The following SUGCT variants were observed in gnomAD, a reference collection of about 807,000 sequenced individuals.
SUGCT encodes the protein succinyl-CoA:glutarate-CoA transferase, also known as succinyl-CoA:glutarate CoA-transferase.
Under a neutral mutation model 55.0 loss-of-function variants are expected in SUGCT, and 41 were observed. The observed-to-expected ratio is 0.74, with a 90% CI of 0.58 to 0.97. The LOEUF is 0.97. SUGCT is among the 50% of genes least tolerant of loss of function. SUGCT has a pLI of 0.00. For missense variants in SUGCT, 568 were observed against 547.8 expected, an observed-to-expected ratio of 1.04 and a Z score of -0.37; for synonymous variants, 187 against 200.4, an observed-to-expected ratio of 0.93 and a Z score of 0.56.
At chr7:40,264,489 A>T (rs944841401) in intron 7 of SUGCT, among the ~76,000 whole-genome samples, 6 of 152,164 alleles carry the variant, frequency 3.9e-5, no homozygotes, top group African/African-American at 1.2e-4. Flanking sequence ...ATAGTTGCAG[A>T]GTCTGTGCCC....
At chr7:40,329,970 C>G (rs1479546321) in intron 9 of SUGCT, among the ~76,000 whole-genome samples, 1 of 152,178 alleles carries the variant, frequency 6.6e-6, no homozygotes, top group East Asian at 1.9e-4. Context: ...GGCACTCCTG[C>G]CTACTGTCTT....
Position 40,189,601 on chromosome 7 carries a change from T to C in SUGCT, c.363+7T>C. 7.1e-7 allele frequency: 1 copy of C among 1,406,702 alleles called. No individual in the cohort carries two copies. The highest frequency in any genetic ancestry group is 2.7e-5 in the East Asian group (1 of 36,850). 87.1% of individuals were successfully genotyped at this position (1,406,702 alleles called of 1,614,324 possible). On this transcript the variant is annotated splice_region_variant and intron_variant, in intron 5 of 13. Transcript: ENST00000335693. ...GGTGAAAATCATCAAAGAGGTACAGTATGATGTATAGAAAGCATCCTACCA... is the reference window on the plus strand; with the variant it reads ...GGTGAAAATCATCAAAGAGGTACAGCATGATGTATAGAAAGCATCCTACCA...
At position 40,494,007 on chromosome 7, in the gene SUGCT, G is replaced by T. The variant is rs553338858; in HGVS notation, c.987-2277G>T. ...AACAGTGGTCACAACTGCAGCTCCC[G>T]CAGTCTCATTTCCAGAGTGCATCCA... is the stretch of plus-strand genomic sequence containing the variant. On this transcript the variant is annotated intron_variant, in intron 11 of 13. Transcript: ENST00000335693. Among the ~76,000 whole-genome samples the T allele has an allele frequency of 2.6e-5, 4 of 152,114 alleles. No individual in the cohort carries two copies. The East Asian group carries it at 7.7e-4, about 29-fold the overall frequency.
intron 12 of SUGCT, among the ~76,000 whole-genome samples, chr7:40,653,590 C>T (rs1800881534): frequency 6.6e-6 from 1 of 152,146 alleles, no homozygotes; most frequent in African/African-American, 2.4e-5. Context: ...GACCCCATCT[C>T]CTTTTCCCTC....
At chr7:40,660,766 C>T (rs1801263984) in intron 12 of SUGCT, among the ~76,000 whole-genome samples, 2 of 152,180 alleles carry the variant, frequency 1.3e-5, no homozygotes, top group Non-Finnish European at 2.9e-5. Context: ...CTCTGACTTC[C>T]TCTGTTTACC....
At chr7:40,581,085 C>G (rs540305903) in intron 12 of SUGCT, among the ~76,000 whole-genome samples, 13 of 152,166 alleles carry the variant, frequency 8.5e-5, no homozygotes, top group Non-Finnish European at 1.9e-4. Context: ...CAGTAAAAAT[C>G]CCTGTTGTGT....
intron 9 of SUGCT, among the ~76,000 whole-genome samples, chr7:40,351,836 A>G (rs185185864): frequency 6.6e-6 from 1 of 152,312 alleles, no homozygotes; most frequent in African/African-American, 2.4e-5. Flanking sequence ...ATTATTGTTG[A>G]AGAAACAGAG....
intron 12 of SUGCT, among the ~76,000 whole-genome samples, chr7:40,562,461 A>G (rs1014925543): frequency 2.6e-5 from 4 of 152,120 alleles, no homozygotes; most frequent in African/African-American, 4.8e-5. Context: ...GAGACAGGCC[A>G]TAAGGTGTAG....
At chr7:40,706,471 A>C (rs966393864) in intron 12 of SUGCT, among the ~76,000 whole-genome samples, 1 of 152,186 alleles carries the variant, frequency 6.6e-6, no homozygotes, top group Non-Finnish European at 1.5e-5. Context: ...GTGGCACTGC[A>C]CTCCAACCTG....
At chr7:40,845,812 G>A (rs1584526170) in intron 13 of SUGCT, among the ~76,000 whole-genome samples, 2 of 152,140 alleles carry the variant, frequency 1.3e-5, no homozygotes, top group East Asian at 1.9e-4. Flanking sequence ...ACCGTCATTT[G>A]TGTGATCTTA....
the SUGCT span, among the ~76,000 whole-genome samples, chr7:40,954,490 A>G: frequency 4.8e-4 from 73 of 152,128 alleles, no homozygotes; most frequent in Admixed American, 2.6e-3. Flanking sequence ...CCCCAGTGAG[A>G]TGAACTGGGT....
intron 13 of SUGCT, among the ~76,000 whole-genome samples, chr7:40,760,962 A>G (rs1007281499): frequency 6.6e-6 from 1 of 152,286 alleles, no homozygotes; most frequent in Non-Finnish European, 1.5e-5. Flanking sequence ...AGCTTCATCT[A>G]CAGTAACAAG....
intron 1 of SUGCT, among the ~76,000 whole-genome samples, chr7:40,157,981 G>A (rs1783976580): frequency 6.6e-6 from 1 of 152,146 alleles, no homozygotes; most frequent in Non-Finnish European, 1.5e-5. Flanking sequence ...GGCTGAGGCA[G>A]GCAGATCACG....
downstream of SUGCT, among the ~76,000 whole-genome samples, chr7:40,861,742 G>T (rs1245516048): frequency 6.6e-6 from 1 of 152,188 alleles, no homozygotes; most frequent in Non-Finnish European, 1.5e-5. Context: ...TTCTCACAAG[G>T]TCTTGTGACA....
At chr7:40,598,117 G>A (rs1288490774) in intron 12 of SUGCT, among the ~76,000 whole-genome samples, 1 of 152,170 alleles carries the variant, frequency 6.6e-6, no homozygotes, top group Non-Finnish European at 1.5e-5. Context: ...TATCCTTGCA[G>A]GTCCAGATCT....
At chr7:40,228,594 A>G (rs931868773) in intron 6 of SUGCT, among the ~76,000 whole-genome samples, 20 of 152,122 alleles carry the variant, frequency 1.3e-4, no homozygotes, top group Admixed American at 4.6e-4. Flanking sequence ...ATGGCTGGGC[A>G]TTACTTTCTC....
chr7:40,161,494 G>A (rs1784144468), intron 1 of SUGCT, among the ~76,000 whole-genome samples: 1 of 152,078 alleles, frequency 6.6e-6, no homozygotes, highest in African/African-American at 2.4e-5. Context: ...AAGTACCTAT[G>A]AAGTTGTTTG....
At chr7:40,263,554 GCTTCT>G (rs1791366001) in intron 7 of SUGCT, among the ~76,000 whole-genome samples, 2 of 152,160 alleles carry the variant, frequency 1.3e-5, no homozygotes, top group South Asian at 2.1e-4. Flanking sequence ...CTCTTCCTTA[GCTTCT>G]CTTCTGTAAC....
chr7:40,958,447 C>T, the SUGCT span, among the ~76,000 whole-genome samples: 2 of 151,504 alleles, frequency 1.3e-5, no homozygotes, highest in East Asian at 2.0e-4. Flanking sequence ...TCTGCTTGAT[C>T]GATTTGGCTA....
Sources: allele counts gnomAD v4.1 joint callset (sites outside exome capture counted in the v4.1 genomes callset), GRCh38; gene constraint gnomAD v4.1.1; transcripts MANE v1.5; gene names NCBI Gene and HGNC (gene_info 2026-07-23, HGNC 2026-07-21).